Variants in MTHFD1L observed in about 807,000 individuals in gnomAD.
MTHFD1L encodes the protein monofunctional C1-tetrahydrofolate synthase, mitochondrial.
A neutral mutation model predicts 119.5 loss-of-function variants in MTHFD1L; 81 were observed. That is an observed-to-expected ratio of 0.68 (90% CI 0.57 to 0.82). The LOEUF (loss-of-function observed/expected upper bound fraction) is 0.82. MTHFD1L is among the 40% of genes least tolerant of loss of function. MTHFD1L has a pLI of 0.00. For missense variants in MTHFD1L, 1,125 were observed against 1,253.4 expected, an observed-to-expected ratio of 0.90 and a Z score of 1.55; for synonymous variants, 430 against 475.2, an observed-to-expected ratio of 0.90 and a Z score of 1.24.
rs538503456 is a variant in MTHFD1L, at chr6:150,966,493, C to T, written c.2013+1456C>T. 3.9e-5 allele frequency among the ~76,000 whole-genome samples: 6 copies of T among 152,246 alleles called. No homozygotes were observed. The South Asian group carries it at 1.2e-3, about 32-fold the overall frequency. On this transcript the variant is annotated intron_variant, in intron 19 of 27. Transcript: ENST00000367321. ...ATTCGACATGAGATGTGGGTGGGGA[C>T]ACAGAGCCAAACCATATCAGAACCA...
Position 150,871,361 on chromosome 6 carries a change from G to A in MTHFD1L, c.228-4729G>A, listed in dbSNP as rs578220983. On this transcript the variant is annotated intron_variant, in intron 1 of 27. Coordinates refer to ENST00000367321, the MANE Select transcript of MTHFD1L (RefSeq NM_015440.5). ...TGATGGAACTCTTCCTTTCCTGGAA[G>A]ATTTCTCTGTAGCAGTGCTACAGAG... is the stretch of plus-strand genomic sequence containing the variant. Among the ~76,000 whole-genome samples, 79 of 149,948 alleles carry A rather than the reference G, an allele frequency of 5.3e-4. 4 individuals carry two copies. Among genetic ancestry groups the A allele is most frequent in the Non-Finnish European group, 3.5e-4 (24 of 67,684 alleles).
In MTHFD1L at chr6:150,945,529, T is replaced by G. The variant is rs1195831307; in HGVS notation, c.1611T>G (p.Leu537=). The change falls in exon 15 of 28, where the codon CTT becomes CTG. Residue 537 remains leucine, a synonymous_variant. Coordinates refer to ENST00000367321, the MANE Select transcript of MTHFD1L (RefSeq NM_015440.5). The part of the protein sequence containing the change: ...NGVREFSEIQ[L]ARLKKLGINK... ...TCAGAGAATTTTCAGAAATTCAGCTTGCTCGGCTAAAAGTAAGTTTCCAGT... is the reference window on the plus strand; with the variant it reads ...TCAGAGAATTTTCAGAAATTCAGCTGGCTCGGCTAAAAGTAAGTTTCCAGT... 6.2e-7 allele frequency: 1 copy of G among 1,614,074 alleles called. No homozygotes were observed. Among genetic ancestry groups the G allele is most frequent in the Non-Finnish European group, 8.5e-7 (1 of 1,179,948 alleles).
chr6:151,047,346 A>T (rs552251420), intron 26 of MTHFD1L, among the ~76,000 whole-genome samples: 1 of 152,368 alleles, frequency 6.6e-6, no homozygotes, highest in South Asian at 2.1e-4. Context: ...TATCATTGAA[A>T]ATTCAGAATG....
chr6:150,992,859 A>G (rs1779236799), intron 20 of MTHFD1L, among the ~76,000 whole-genome samples: 1 of 152,202 alleles, frequency 6.6e-6, no homozygotes, highest in African/African-American at 2.4e-5. Context: ...AACGAAACCC[A>G]GAGACATGAA....
intron 17 of MTHFD1L, chr6:150,959,360 G>A (rs1796103009): frequency 4.4e-6 from 1 of 227,600 alleles, no homozygotes; most frequent in Non-Finnish European, 7.3e-6. Flanking sequence ...GGGAAGAAGA[G>A]AATTAAGCTG....
intron 10 of MTHFD1L, among the ~76,000 whole-genome samples, chr6:150,924,830 AAG>A (rs1296779376): frequency 6.6e-6 from 1 of 152,208 alleles, no homozygotes; most frequent in Non-Finnish European, 1.5e-5. Flanking sequence ...AGATTGTGGG[AAG>A]AGAGAGACAG....
In MTHFD1L at chr6:150,877,657, G is replaced by C. The variant is rs1033874659; in HGVS notation, c.336G>C (p.Gln112His). 1.9e-6 allele frequency: 3 copies of C among 1,614,028 alleles called. No homozygotes were observed. The highest frequency in any genetic ancestry group is 2.5e-6 in the Non-Finnish European group (3 of 1,180,032). The change falls in exon 3 of 28, where the codon CAG becomes CAC. Residue 112 changes from glutamine (Q) to histidine (H), a missense_variant. This residue lies in a region of MTHFD1L where 1,058 missense variants were observed against 1,151.2 expected (regional missense o/e 0.92). Transcript: ENST00000367321. ...AGGCAGGTGACGACAACTTGATGCA[G>C]GAAATCAACCAGAATTTGGCTGAGG... ...IIQAGDDNLM[Q>H]EINQNLAEEA...
At chr6:151,077,028 A>G (rs149099817) in intron 26 of MTHFD1L, among the ~76,000 whole-genome samples, 1,629 of 152,312 alleles carry the variant, frequency 0.011, 88 homozygotes, top group Admixed American at 0.1. Context: ...AAAATGAGGA[A>G]AAAGTTTCAA....
chr6:150,958,025 G>A (rs1272349017), intron 17 of MTHFD1L, among the ~76,000 whole-genome samples: 2 of 152,086 alleles, frequency 1.3e-5, no homozygotes, highest in Non-Finnish European at 2.9e-5. Flanking sequence ...CCTACTCTGT[G>A]CATTGTATTG....
chr6:151,043,374 C>G (rs1787444929), intron 26 of MTHFD1L, among the ~76,000 whole-genome samples: 1 of 145,492 alleles, frequency 6.9e-6, no homozygotes, highest in South Asian at 2.3e-4. Flanking sequence ...AAGTGATACT[C>G]CTGCCTCAGC....
chr6:150,886,063 A>G (rs986702421), intron 6 of MTHFD1L, among the ~76,000 whole-genome samples: 2 of 152,222 alleles, frequency 1.3e-5, no homozygotes, highest in African/African-American at 2.4e-5. Flanking sequence ...CAGTCAAAAT[A>G]ACCACAGTAA....
At chr6:151,008,165 G>A (rs1464774166) in intron 20 of MTHFD1L, among the ~76,000 whole-genome samples, 1 of 152,060 alleles carries the variant, frequency 6.6e-6, no homozygotes. Context: ...TCAGTAACAG[G>A]GGGAACAATT....
At position 150,922,237 on chromosome 6, in the gene MTHFD1L, T is replaced by A; in HGVS notation, c.1017T>A (p.Arg339=). The stretch of plus-strand genomic sequence containing the variant: ...TCAGTAGTGGAAGGAGATGGCTTCG[T>A]GAACAGCAGCACAGGCGGTGGAGAC... The part of the protein sequence containing the change: ...NMVSSGRRWL[R]EQQHRRWRLH... The change falls in exon 10 of 28, where the codon CGT becomes CGA. Residue 339 remains arginine, a synonymous_variant. Coordinates refer to ENST00000367321, the MANE Select transcript of MTHFD1L (RefSeq NM_015440.5). 6.2e-7 allele frequency: 1 copy of A among 1,614,106 alleles called. No individual in the cohort carries two copies. The highest frequency in any genetic ancestry group is 8.5e-7 in the Non-Finnish European group (1 of 1,179,956).
intron 16 of MTHFD1L, among the ~76,000 whole-genome samples, chr6:150,954,471 T>C (rs533587950): frequency 6.6e-6 from 1 of 152,062 alleles, no homozygotes; most frequent in African/African-American, 2.4e-5. Flanking sequence ...GTGGATCACA[T>C]GAGGTCAGGA....
intron 27 of MTHFD1L, chr6:151,099,524 T>C: frequency 6.3e-7 from 1 of 1,597,516 alleles, no homozygotes; most frequent in East Asian, 2.2e-5. Context: ...CTCCTCGGCA[T>C]CTTGGCCGCC....
At chr6:150,972,845 AG>A (rs1456421412) in intron 20 of MTHFD1L, among the ~76,000 whole-genome samples, 1 of 151,590 alleles carries the variant, frequency 6.6e-6, no homozygotes, top group East Asian at 1.9e-4. Context: ...GTTAATTGGT[AG>A]TACTGCACAC....
chr6:150,942,147 T>C (rs1347998632), intron 13 of MTHFD1L, among the ~76,000 whole-genome samples: 3 of 151,936 alleles, frequency 2.0e-5, no homozygotes, highest in Non-Finnish European at 4.4e-5. Flanking sequence ...TAATCCCAGC[T>C]CCTTGGGAGG....
Position 151,062,289 on chromosome 6 carries a change from T to A in MTHFD1L, c.2847+25172T>A, listed in dbSNP as rs531655935. On this transcript the variant is annotated intron_variant, in intron 26 of 27. Coordinates refer to ENST00000367321, the MANE Select transcript of MTHFD1L (RefSeq NM_015440.5). ...GTCTCTACTAAAAATACAAAAAAAATTAGCCAGGCTTGGTGGCGTGCACCT... is the reference window on the plus strand; with the variant it reads ...GTCTCTACTAAAAATACAAAAAAAAATAGCCAGGCTTGGTGGCGTGCACCT... 4.6e-5 allele frequency among the ~76,000 whole-genome samples: 7 copies of A among 152,184 alleles called. No individual in the cohort carries two copies. In the South Asian group the frequency reaches 1.5e-3, roughly 32 times the overall value.
chr6:150,888,237 A>G (rs1782647105), intron 7 of MTHFD1L, among the ~76,000 whole-genome samples: 1 of 152,258 alleles, frequency 6.6e-6, no homozygotes. Flanking sequence ...GCAAATGGAA[A>G]AAGAAGGAAC....
Sources: gnomAD v4.1 joint callset for allele counts (sites outside exome capture counted in the v4.1 genomes callset) on GRCh38, gnomAD v4.1.1 for gene constraint, gnomAD v4.1.1 regional missense constraint, MANE v1.5 for transcripts, NCBI Gene and HGNC (gene_info 2026-07-23, HGNC 2026-07-21) for gene names.